BRCA1: variants seen among roughly 807,000 people sequenced by gnomAD.
The protein encoded by BRCA1 is breast cancer type 1 susceptibility protein.
BRCA1 carries 140 observed loss-of-function variants against 173.7 expected under a neutral mutation model. The ratio of observed to expected loss-of-function variants is 0.81; its 90% CI spans 0.70 to 0.93. BRCA1 has a LOEUF of 0.93. BRCA1 is among the 40% of genes least tolerant of loss of function. The pLI, the probability that BRCA1 is intolerant of heterozygous loss-of-function variation, is 0.00. For synonymous variants in BRCA1, 662 were observed against 756.0 expected (o/e 0.88, Z 2.04); for missense variants, 1,983 against 2,172.5 (o/e 0.91, Z 1.73).
chr17:43,152,250 G>T (rs1187868310), intron 1 of BRCA1, among the ~76,000 whole-genome samples: 1 of 152,176 alleles, frequency 6.6e-6, no homozygotes, highest in Non-Finnish European at 1.5e-5. Context: ...TTGGTTATGT[G>T]CACTGCCCCA....
At position 43,092,805 on chromosome 17, in the gene BRCA1, T is replaced by A. The variant is rs80357127; in HGVS notation, c.2726A>T (p.Asn909Ile). 1.9e-5 allele frequency: 31 copies of A among 1,613,856 alleles called. No homozygotes were observed. The East Asian group carries it at 6.0e-4, about 31-fold the overall frequency. ...GATATTAGACTCATTCTTTCCTTGA[T>A]TTTCTTCCTTTTGTTCACATTCAAA... ...VTFECEQKEENQGKNESNIKP... is the reference protein window; with the variant it reads ...VTFECEQKEEIQGKNESNIKP... The change falls in exon 10 of 23, where the codon AAT (asparagine) becomes ATT (isoleucine). Residue 909 changes from asparagine to isoleucine, a missense_variant. By Grantham distance (149) the Asn-to-Ile change is moderately radical. Coordinates refer to ENST00000357654, the MANE Select transcript of BRCA1 (RefSeq NM_007294.4).
At chr17:43,097,650 T>C (rs982630538) in intron 7 of BRCA1, among the ~76,000 whole-genome samples, 1 of 152,198 alleles carries the variant, frequency 6.6e-6, no homozygotes, top group African/African-American at 2.4e-5. Context: ...TTCCTAGGTT[T>C]GAATCATGGC....
intron 18 of BRCA1, among the ~76,000 whole-genome samples, chr17:43,059,984 C>A (rs903641083): frequency 6.6e-6 from 1 of 152,110 alleles, no homozygotes; most frequent in Admixed American, 6.6e-5. Flanking sequence ...CAGCTCACTG[C>A]AATCTCCGCC....
intron 20 of BRCA1, among the ~76,000 whole-genome samples, chr17:43,050,585 C>T (rs2051165909): frequency 6.7e-6 from 1 of 149,896 alleles, no homozygotes; most frequent in African/African-American, 2.4e-5. Flanking sequence ...TGCACTCTGG[C>T]CTGGGCAACA....
chr17:43,092,264 C>A lies in BRCA1; in HGVS notation c.3267G>T (p.Leu1089Phe), dbSNP rs767544239. ...GACTTTGTTTATAGACCTCAGGTTG[C>A]AAAACCCCTAATCTAAGCATAGCAT... ...KLNAMLRLGV[L>F]QPEVYKQSLP... is the part of the protein sequence containing the mutation. Residue 1089 changes from leucine (L) to phenylalanine (F), a missense_variant, in exon 10 of 23, where the codon TTG becomes TTT. Leu to Phe is a conservative substitution (Grantham distance 22). Coordinates refer to ENST00000357654, the MANE Select transcript of BRCA1 (RefSeq NM_007294.4). The A allele has an allele frequency of 4.3e-6, 7 of 1,613,626 alleles. No homozygotes were observed. Among genetic ancestry groups the A allele is most frequent in the Non-Finnish European group, 5.9e-6 (7 of 1,180,002 alleles).
chr17:43,137,413 C>T (rs1342476266), intron 1 of BRCA1, among the ~76,000 whole-genome samples: 1 of 150,132 alleles, frequency 6.7e-6, no homozygotes, highest in East Asian at 1.9e-4. Context: ...GTACCCTAGA[C>T]CTTAAAGTAT....
At chr17:43,097,597 C>T (rs529950220) in intron 7 of BRCA1, among the ~76,000 whole-genome samples, 5 of 151,872 alleles carry the variant, frequency 3.3e-5, no homozygotes, top group African/African-American at 1.2e-4. Flanking sequence ...CTACTGAAAA[C>T]AAAAACAAAA....
intron 18 of BRCA1, among the ~76,000 whole-genome samples, chr17:43,061,280 G>C (rs988298162): frequency 6.6e-6 from 1 of 152,112 alleles, no homozygotes. Context: ...TTTCAGAAAG[G>C]CTTTCCCTGG....
intron 2 of BRCA1, 144 bp from the exon 3 acceptor site, chr17:43,115,923 A>T: frequency 1.3e-6 from 1 of 770,756 alleles, no homozygotes; most frequent in South Asian, 1.8e-5. Flanking sequence ...AATATTTATT[A>T]AATGTCTGCT....
intron 1 of BRCA1, chr17:43,162,508 TG>T (rs1311360184): frequency 6.6e-6 from 1 of 152,166 alleles, no homozygotes; most frequent in Non-Finnish European, 1.5e-5. Context: ...CACATCAGGT[TG>T]GTCACTTCCT....
At chr17:43,122,301 A>G (rs2055614959) in intron 2 of BRCA1, among the ~76,000 whole-genome samples, 1 of 152,226 alleles carries the variant, frequency 6.6e-6, no homozygotes, top group Non-Finnish European at 1.5e-5. Context: ...AACCATCACC[A>G]TATTTAAAAA....
At chr17:43,127,692 A>G (rs552467622), upstream of BRCA1, among the ~76,000 whole-genome samples, 39 of 152,270 alleles carry the variant, frequency 2.6e-4, no homozygotes, top group South Asian at 6.6e-3. Context: ...AAATGGACCA[A>G]TCAACAGGAT....
chr17:43,054,511 C>T (rs1424881139), intron 19 of BRCA1, among the ~76,000 whole-genome samples: 1 of 152,126 alleles, frequency 6.6e-6, no homozygotes, highest in Non-Finnish European at 1.5e-5. Context: ...ACCATCATGG[C>T]TCACTGCAGC....
At chr17:43,134,492 T>C (rs1479487526) in intron 1 of BRCA1, among the ~76,000 whole-genome samples, 1 of 152,138 alleles carries the variant, frequency 6.6e-6, no homozygotes, top group Non-Finnish European at 1.5e-5. Context: ...ATGGGCTTGA[T>C]GGAGGACAGG....
At chr17:43,135,853 C>A (rs1414409992) in intron 1 of BRCA1, among the ~76,000 whole-genome samples, 1 of 152,206 alleles carries the variant, frequency 6.6e-6, no homozygotes, top group Non-Finnish European at 1.5e-5. Flanking sequence ...GTGGCAGCGT[C>A]CCCTTGAAGA....
chr17:43,053,925 C>T (rs1028052161), intron 19 of BRCA1, among the ~76,000 whole-genome samples: 10 of 150,850 alleles, frequency 6.6e-5, no homozygotes, highest in Non-Finnish European at 1.3e-4. Context: ...GCCAAGATCA[C>T]GCCATTGTAC....
At chr17:43,150,896 G>T (rs1011910907) in intron 1 of BRCA1, among the ~76,000 whole-genome samples, 5 of 152,172 alleles carry the variant, frequency 3.3e-5, no homozygotes, top group Admixed American at 1.3e-4. Flanking sequence ...GAAACCTCTC[G>T]GTTCCAGGCA....
At position 43,063,330 on chromosome 17, in the gene BRCA1, T is replaced by C. The variant is rs1060502326; in HGVS notation, c.5193+3A>G. On this transcript the variant is annotated splice_donor_region_variant and intron_variant, in intron 18 of 22. Coordinates refer to ENST00000357654, the MANE Select transcript of BRCA1 (RefSeq NM_007294.4). ...TGGTTAGTTTGTAACATCAAGTACT[T>C]ACCTCATTCAGCATTTTTCTTTCTT... 7 of 1,606,088 alleles carry C rather than the reference T, an allele frequency of 4.4e-6. No homozygotes were observed. The highest frequency in any genetic ancestry group is 2.7e-5 in the African/African-American group (2 of 74,854).
intron 16 of BRCA1, among the ~76,000 whole-genome samples, chr17:43,065,983 T>C (rs2052051544): frequency 6.6e-6 from 1 of 152,206 alleles, no homozygotes. Context: ...GGATAAACAC[T>C]CTCCAATTTG....
Sources: gnomAD v4.1 joint callset for allele counts (sites outside exome capture counted in the v4.1 genomes callset) on GRCh38, gnomAD v4.1.1 for gene constraint, MANE v1.5 for transcripts, NCBI Gene and HGNC (gene_info 2026-07-23, HGNC 2026-07-21) for gene names.